Variants in SGPP2 observed in about 807,000 individuals in gnomAD.
SGPP2 encodes the protein sphingosine 1-phosphate phosphohydrolase 2.
SGPP2 carries 30 observed loss-of-function variants against 33.9 expected under a neutral mutation model. The observed-to-expected ratio is 0.89, with a 90% CI of 0.66 to 1.20. The LOEUF (loss-of-function observed/expected upper bound fraction) is 1.20, where lower values mean the gene tolerates loss of function less well. SGPP2 is among the 50% of genes most tolerant of loss of function. The probability of loss-of-function intolerance (pLI) is 0.00; values close to 1 mark genes in which losing one functional copy is unlikely to be tolerated. For synonymous variants in SGPP2, 233 were observed against 225.0 expected (o/e 1.04, Z -0.32); for missense variants, 458 against 532.1 (o/e 0.86, Z 1.37).
At chr2:222,488,199 A>C (rs1698141763) in intron 2 of SGPP2, among the ~76,000 whole-genome samples, 2 of 152,146 alleles carry the variant, frequency 1.3e-5, no homozygotes, top group African/African-American at 4.8e-5. Context: ...GAGAGGACGC[A>C]ATCATTAATG....
chr2:222,503,553 C>T (rs764591268), intron 2 of SGPP2, among the ~76,000 whole-genome samples: 15 of 152,070 alleles, frequency 9.9e-5, no homozygotes, highest in Admixed American at 5.9e-4. Flanking sequence ...AAATTACAGG[C>T]CATCATGCTT....
chr2:222,520,211 G>A (rs368237017), intron 2 of SGPP2, among the ~76,000 whole-genome samples: 11 of 152,202 alleles, frequency 7.2e-5, no homozygotes, highest in South Asian at 4.2e-4. Flanking sequence ...TAGCGATTCT[G>A]ACTGGTGTGA....
At chr2:222,474,419 A>C in intron 1 of SGPP2, 149 bp from the exon 2 acceptor site, 1 of 615,256 alleles carries the variant, frequency 1.6e-6, no homozygotes, top group Non-Finnish European at 2.7e-6. Flanking sequence ...TGAGGTTGAA[A>C]AGTGTTCAGC....
At chr2:222,528,129 C>T (rs1698788448) in intron 4 of SGPP2, among the ~76,000 whole-genome samples, 1 of 152,160 alleles carries the variant, frequency 6.6e-6, no homozygotes, top group Admixed American at 6.5e-5. Context: ...ACCATAGCTG[C>T]ATATTCAAAC....
chr2:222,541,827 C>T (rs1260127273), intron 4 of SGPP2, among the ~76,000 whole-genome samples: 1 of 152,038 alleles, frequency 6.6e-6, no homozygotes, highest in East Asian at 1.9e-4. Flanking sequence ...GTCTTGAACT[C>T]CTGACCTCAA....
At chr2:222,464,103 C>G (rs986380824) in intron 1 of SGPP2, among the ~76,000 whole-genome samples, 3 of 152,184 alleles carry the variant, frequency 2.0e-5, no homozygotes, top group African/African-American at 7.2e-5. Flanking sequence ...GAAACATCTG[C>G]CTGCCAAATC....
intron 2 of SGPP2, among the ~76,000 whole-genome samples, chr2:222,478,204 G>T (rs1466348272): frequency 6.6e-6 from 1 of 151,144 alleles, no homozygotes; most frequent in African/African-American, 2.4e-5. Flanking sequence ...GAGGGAGGGA[G>T]GGGGAGAGGG....
intron 1 of SGPP2, chr2:222,452,808 G>A: frequency 6.3e-7 from 1 of 1,595,664 alleles, no homozygotes; most frequent in Admixed American, 1.7e-5. Flanking sequence ...TGAGGCCTGA[G>A]TCACACCATT....
chr2:222,536,211 T>C (rs947268723), intron 4 of SGPP2, among the ~76,000 whole-genome samples: 2 of 152,246 alleles, frequency 1.3e-5, no homozygotes, highest in African/African-American at 4.8e-5. Context: ...AGCTTATAAT[T>C]GTATGCCTCT....
chr2:222,424,763 C>T lies in SGPP2; in HGVS notation c.161C>T (p.Ala54Val). ...RVPGVEHLPAANGKGGEAPAN... is the reference protein window; with the variant it reads ...RVPGVEHLPAVNGKGGEAPAN... Reference sequence around the variant, plus strand: ...CCCGGGGTCGAGCATCTCCCCGCAGCCAACGGCAAGGGCGGCGAGGCTCCG... The same window carrying T: ...CCCGGGGTCGAGCATCTCCCCGCAGTCAACGGCAAGGGCGGCGAGGCTCCG... Residue 54 changes from alanine to valine, a missense_variant, in exon 1 of 5, where the codon GCC (alanine) becomes GTC (valine). Coordinates refer to ENST00000321276, the MANE Select transcript of SGPP2 (RefSeq NM_152386.4). 1 of 1,408,630 alleles carries T rather than the reference C, an allele frequency of 7.1e-7. No homozygotes were observed. The highest frequency in any genetic ancestry group is 9.2e-7 in the Non-Finnish European group (1 of 1,083,230). 87.3% of individuals were successfully genotyped at this position (1,408,630 alleles called of 1,614,324 possible). A position where few individuals can be genotyped will look rare whatever the true frequency, so the allele number is the denominator to read the frequency against.
intron 1 of SGPP2, among the ~76,000 whole-genome samples, chr2:222,461,287 G>C (rs1574842394): frequency 6.6e-6 from 1 of 152,120 alleles, no homozygotes; most frequent in East Asian, 1.9e-4. Flanking sequence ...GCAAGGTGAA[G>C]TTATAAGTTC....
At chr2:222,432,216 G>A (rs1213874433) in intron 1 of SGPP2, among the ~76,000 whole-genome samples, 1 of 152,212 alleles carries the variant, frequency 6.6e-6, no homozygotes, top group Non-Finnish European at 1.5e-5. Flanking sequence ...GAGCCCAGTG[G>A]TGAAGCCTTT....
At chr2:222,531,465 G>T (rs762942482) in intron 4 of SGPP2, among the ~76,000 whole-genome samples, 2 of 152,166 alleles carry the variant, frequency 1.3e-5, no homozygotes, top group Non-Finnish European at 2.9e-5. Context: ...CAGGTACCTA[G>T]AGTAATCAAA....
chr2:222,531,770 T>C (rs1698842480), intron 4 of SGPP2, among the ~76,000 whole-genome samples: 1 of 152,170 alleles, frequency 6.6e-6, no homozygotes, highest in Non-Finnish European at 1.5e-5. Flanking sequence ...TTGATTTTAA[T>C]GTGCAACCGG....
At chr2:222,428,306 AG>A (rs1324743640) in intron 1 of SGPP2, among the ~76,000 whole-genome samples, 1 of 152,236 alleles carries the variant, frequency 6.6e-6, no homozygotes, top group East Asian at 1.9e-4. Context: ...GGACTGGGCC[AG>A]GAAGGTAAAG....
chr2:222,494,561 T>G (rs150823201), intron 2 of SGPP2, among the ~76,000 whole-genome samples: 7 of 152,244 alleles, frequency 4.6e-5, no homozygotes, highest in Non-Finnish European at 1.0e-4. Context: ...AATAGCTATG[T>G]GTTCACATGA....
intron 1 of SGPP2, among the ~76,000 whole-genome samples, chr2:222,455,272 T>C (rs1362798808): frequency 6.6e-6 from 1 of 150,812 alleles, no homozygotes; most frequent in Non-Finnish European, 1.5e-5. Flanking sequence ...ATGAAGAAGA[T>C]AGAACAGGGT....
At chr2:222,434,113 C>T (rs753926607) in intron 1 of SGPP2, among the ~76,000 whole-genome samples, 25 of 152,234 alleles carry the variant, frequency 1.6e-4, no homozygotes, top group South Asian at 4.1e-4. Context: ...TTCCAGGCAA[C>T]GCATCAAGAG....
chr2:222,501,283 G>C (rs1359871212), intron 2 of SGPP2, among the ~76,000 whole-genome samples: 1 of 151,838 alleles, frequency 6.6e-6, no homozygotes, highest in Non-Finnish European at 1.5e-5. Context: ...GCTGCTGCCT[G>C]GCTTCTTGGA....
Sources: gnomAD v4.1 joint callset for allele counts (sites outside exome capture counted in the v4.1 genomes callset) on GRCh38, gnomAD v4.1.1 for gene constraint, MANE v1.5 for transcripts, NCBI Gene and HGNC (gene_info 2026-07-23, HGNC 2026-07-21) for gene names.